Variants in PCGF5 observed in about 807,000 individuals in gnomAD.
PCGF5 encodes the protein polycomb group RING finger protein 5.
Under a neutral mutation model 44.3 loss-of-function variants are expected in PCGF5, and 9 were observed. The observed-to-expected ratio is 0.20, with a 90% CI of 0.12 to 0.35. The LOEUF (loss-of-function observed/expected upper bound fraction) is 0.35. Among genes scored for constraint, PCGF5 ranks in the 10% least tolerant of loss-of-function variants. The pLI, the probability that PCGF5 is intolerant of heterozygous loss-of-function variation, is 1.00. For synonymous variants in PCGF5, 95 were observed against 102.5 expected, an observed-to-expected ratio of 0.93 and a Z score of 0.44; for missense variants, 146 against 305.3, an observed-to-expected ratio of 0.48 and a Z score of 3.89.
chr10:91,174,154 G>T (rs1162559504), intron 1 of PCGF5, among the ~76,000 whole-genome samples: 1 of 150,766 alleles, frequency 6.6e-6, no homozygotes, highest in African/African-American at 2.4e-5. Context: ...GCCACTGTAG[G>T]TTGGATATGA....
intron 1 of PCGF5, among the ~76,000 whole-genome samples, chr10:91,204,663 G>A (rs1444548209): frequency 6.6e-6 from 1 of 152,128 alleles, no homozygotes; most frequent in African/African-American, 2.4e-5. Flanking sequence ...GGAGAGCTCT[G>A]AGGATAAAAA....
chr10:91,170,484 A>G (rs1843584077), intron 1 of PCGF5, among the ~76,000 whole-genome samples: 1 of 152,274 alleles, frequency 6.6e-6, no homozygotes, highest in Non-Finnish European at 1.5e-5. Context: ...GAAGATACAC[A>G]GATGGCAAAT....
chr10:91,178,640 C>T (rs139642862), intron 1 of PCGF5, among the ~76,000 whole-genome samples: 173 of 152,182 alleles, frequency 1.1e-3, no homozygotes, highest in African/African-American at 4.0e-3. Flanking sequence ...CCTCCCACCT[C>T]GGCCTCCCAA....
chr10:91,195,527 C>T (rs552526300), intron 1 of PCGF5, among the ~76,000 whole-genome samples: 1 of 151,306 alleles, frequency 6.6e-6, no homozygotes, highest in East Asian at 2.0e-4. Flanking sequence ...CTCTGTCACT[C>T]AGACGGGAGT....
chr10:91,178,406 T>C (rs1298979048), intron 1 of PCGF5, among the ~76,000 whole-genome samples: 1 of 151,666 alleles, frequency 6.6e-6, no homozygotes, highest in Admixed American at 6.6e-5. Context: ...TTTTTTTTTT[T>C]TGAGATAGGG....
chr10:91,191,813 A>G (rs879433670), intron 1 of PCGF5, among the ~76,000 whole-genome samples: 7 of 152,238 alleles, frequency 4.6e-5, no homozygotes, highest in Non-Finnish European at 1.0e-4. Flanking sequence ...GCAAAGTCTC[A>G]CTGTCTGTGA....
intron 1 of PCGF5, among the ~76,000 whole-genome samples, chr10:91,182,496 G>A (rs898888501): frequency 6.6e-6 from 1 of 151,936 alleles, no homozygotes; most frequent in Non-Finnish European, 1.5e-5. Context: ...TCAAAAGCAA[G>A]CTCCTGGATT....
chr10:91,273,569 C>T (rs779065501), intron 9 of PCGF5, among the ~76,000 whole-genome samples: 3 of 151,992 alleles, frequency 2.0e-5, no homozygotes, highest in Non-Finnish European at 4.4e-5. Context: ...TAGGATGCAC[C>T]GTTAACTTCC....
intron 1 of PCGF5, among the ~76,000 whole-genome samples, chr10:91,209,179 A>G (rs1472974930): frequency 6.6e-6 from 1 of 152,144 alleles, no homozygotes; most frequent in Non-Finnish European, 1.5e-5. Context: ...TTTTTCTGAC[A>G]TAATTTCATT....
Position 91,279,337 on chromosome 10 carries a change from A to G in PCGF5, c.*1021A>G, listed in dbSNP as rs1846392540. Reference sequence around the variant, plus strand: ...AGTCTCAAAACAGTTGTAGATTAAAACTGTTAGTTACCTTTCACATTTCCA... The same window carrying G: ...AGTCTCAAAACAGTTGTAGATTAAAGCTGTTAGTTACCTTTCACATTTCCA... On this transcript the variant is annotated 3_prime_UTR_variant, in exon 10 of 10. Coordinates refer to ENST00000336126, the MANE Select transcript of PCGF5 (RefSeq NM_032373.5). 1 of 152,166 alleles carries G rather than the reference A, an allele frequency of 6.6e-6. No homozygotes were observed. Among genetic ancestry groups the G allele is most frequent in the Non-Finnish European group, 1.5e-5 (1 of 68,016 alleles). The allele number at this position is 152,166 out of a possible 1,614,324, so 9.4% of individuals were successfully genotyped here.
chr10:91,163,169 G>C (rs941607560), intron 1 of PCGF5: 7 of 149,970 alleles, frequency 4.7e-5, no homozygotes, highest in East Asian at 4.0e-4. Flanking sequence ...CGCGGGGCCG[G>C]GGGGGAGGCC....
intron 1 of PCGF5, among the ~76,000 whole-genome samples, chr10:91,215,027 A>G (rs1208530172): frequency 6.6e-6 from 1 of 152,214 alleles, no homozygotes. Context: ...ATTGTAAAGG[A>G]AATGGTGATC....
intron 2 of PCGF5, among the ~76,000 whole-genome samples, chr10:91,231,639 A>C (rs1211607324): frequency 6.6e-6 from 1 of 152,240 alleles, no homozygotes; most frequent in Non-Finnish European, 1.5e-5. Context: ...CACGTGGCGC[A>C]GTTCTTGTAG....
Position 91,240,563 on chromosome 10 carries a change from T to G in PCGF5, c.192T>G (p.Asn64Lys). ...PRCGNQVHET[N>K]PLEMLRLDNT... ...GTGGCAACCAAGTTCATGAGACAAA[T>G]CCATTAGAAATGTTGAGGTAAGGAT... Residue 64 changes from asparagine (N) to lysine (K), a missense_variant, in exon 3 of 10, where the codon AAT becomes AAG. By Grantham distance (94) the Asn-to-Lys change is moderately conservative. Transcript: ENST00000336126. 6.2e-7 allele frequency: 1 copy of G among 1,608,500 alleles called. No individual in the cohort carries two copies. The highest frequency in any genetic ancestry group is 8.5e-7 in the Non-Finnish European group (1 of 1,175,700).
upstream of PCGF5, among the ~76,000 whole-genome samples, chr10:91,218,559 A>G (rs1228438098): frequency 6.6e-6 from 1 of 152,148 alleles, no homozygotes; most frequent in African/African-American, 2.4e-5. Flanking sequence ...AATACTTACA[A>G]TCTGCATACA....
Position 91,280,119 on chromosome 10 carries a change from C to G in PCGF5, c.*1803C>G, listed in dbSNP as rs1846416845. 1 of 151,980 alleles carries G rather than the reference C, an allele frequency of 6.6e-6. No individual in the cohort carries two copies. The highest frequency in any genetic ancestry group is 1.5e-5 in the Non-Finnish European group (1 of 67,904). The allele number at this position is 151,980 out of a possible 1,614,324, so 9.4% of individuals were successfully genotyped here. Reference sequence around the variant, plus strand: ...AATTTAAAAGGCAGATTTTCATTAACTATAAATGGCTGAAAAAACTGAATT... The same window carrying G: ...AATTTAAAAGGCAGATTTTCATTAAGTATAAATGGCTGAAAAAACTGAATT... On this transcript the variant is annotated 3_prime_UTR_variant, in exon 10 of 10. Coordinates refer to ENST00000336126, the MANE Select transcript of PCGF5 (RefSeq NM_032373.5).
At chr10:91,170,314 G>GTC (rs1442149409) in intron 1 of PCGF5, among the ~76,000 whole-genome samples, 2 of 152,146 alleles carry the variant, frequency 1.3e-5, no homozygotes, top group East Asian at 3.9e-4. Flanking sequence ...AGAAGACATT[G>GTC]TCAAGAGAAT....
upstream of PCGF5, among the ~76,000 whole-genome samples, chr10:91,159,995 T>G (rs1026634394): frequency 6.6e-6 from 1 of 152,228 alleles, no homozygotes; most frequent in African/African-American, 2.4e-5. Context: ...TATCTATATT[T>G]AATACGCTCA....
intron 3 of PCGF5, among the ~76,000 whole-genome samples, chr10:91,241,649 C>G (rs1845330120): frequency 6.7e-6 from 1 of 150,324 alleles, no homozygotes; most frequent in Non-Finnish European, 1.5e-5. Flanking sequence ...CCGGAGTTAG[C>G]TTTTTAGTAC....
Sources: gnomAD v4.1 joint callset for allele counts (sites outside exome capture counted in the v4.1 genomes callset) on GRCh38, gnomAD v4.1.1 for gene constraint, MANE v1.5 for transcripts, NCBI Gene and HGNC (gene_info 2026-07-23, HGNC 2026-07-21) for gene names.